TACC2: variants seen among roughly 807,000 people sequenced by gnomAD.
The protein encoded by TACC2 is transforming acidic coiled-coil containing protein 2, also known as transforming acidic coiled-coil-containing protein 2.
Under a neutral mutation model 227.3 loss-of-function variants are expected in TACC2, and 137 were observed. The observed-to-expected ratio is 0.60, with a 90% confidence interval of 0.52 to 0.69. TACC2 has a LOEUF of 0.69. TACC2 is among the 30% of genes least tolerant of loss of function. The pLI, the probability that TACC2 is intolerant of heterozygous loss-of-function variation, is 0.00. For synonymous variants in TACC2, 1,523 were observed against 1,487.5 expected, an observed-to-expected ratio of 1.02 and a Z score of -0.55; for missense variants, 3,470 against 3,694.4, an observed-to-expected ratio of 0.94 and a Z score of 1.57.
intron 8 of TACC2, among the ~76,000 whole-genome samples, chr10:122,199,393 G>T (rs1477588867): frequency 6.6e-6 from 1 of 152,190 alleles, no homozygotes; most frequent in Non-Finnish European, 1.5e-5. Flanking sequence ...CTTTGGGCCC[G>T]CCTCTGGTTT....
chr10:121,994,651 T>G (rs1192795609), intron 1 of TACC2: 4 of 152,634 alleles, frequency 2.6e-5, no homozygotes, highest in Non-Finnish European at 5.9e-5. Flanking sequence ...AAGGAGCCTC[T>G]GGAAGAGAGG....
chr10:122,049,241 C>T (rs2075397323), intron 2 of TACC2, among the ~76,000 whole-genome samples: 1 of 152,206 alleles, frequency 6.6e-6, no homozygotes, highest in South Asian at 2.1e-4. Flanking sequence ...GAGGCCTTGG[C>T]CCCAGCAGGG....
intron 3 of TACC2, among the ~76,000 whole-genome samples, chr10:122,081,636 T>C (rs2079519219): frequency 6.6e-6 from 1 of 152,132 alleles, no homozygotes; most frequent in African/African-American, 2.4e-5. Flanking sequence ...GTTAGTTATC[T>C]GTAGTAAGTT....
intron 11 of TACC2, 107 bp from the exon 12 acceptor site, chr10:122,224,619 C>T (rs1353726116): frequency 3.2e-6 from 3 of 940,622 alleles, no homozygotes; most frequent in Non-Finnish European, 5.1e-6. Context: ...AGCCCAGAGC[C>T]TTGTGATAGC....
chr10:122,029,645 G>A (rs369808127), intron 2 of TACC2, among the ~76,000 whole-genome samples: 2 of 152,306 alleles, frequency 1.3e-5, no homozygotes, highest in Non-Finnish European at 2.9e-5. Flanking sequence ...CCTGCTGGCT[G>A]GGGTTGGCTT....
At chr10:122,013,014 G>A (rs1956138683) in intron 1 of TACC2, among the ~76,000 whole-genome samples, 1 of 152,168 alleles carries the variant, frequency 6.6e-6, no homozygotes, top group Admixed American at 6.6e-5. Context: ...AGCAGAAATG[G>A]GGCTTGCAGA....
chr10:122,109,366 T>C (rs1471252080), intron 5 of TACC2, among the ~76,000 whole-genome samples: 3 of 152,208 alleles, frequency 2.0e-5, no homozygotes, highest in Non-Finnish European at 2.9e-5. Flanking sequence ...ATTTCCCTGA[T>C]AAAATGCACA....
chr10:122,223,082 C>G (rs1052647256), intron 11 of TACC2, among the ~76,000 whole-genome samples: 14 of 126,614 alleles, frequency 1.1e-4, no homozygotes, highest in African/African-American at 4.4e-4. Context: ...TTGAGGCAGT[C>G]TCACTCTGTT....
chr10:122,021,962 G>T lies in TACC2; in HGVS notation c.-20G>T, dbSNP rs151268273. 2 of 1,613,854 alleles carry T rather than the reference G, an allele frequency of 1.2e-6. No homozygotes were observed. Among genetic ancestry groups the T allele is most frequent in the Admixed American group, 1.7e-5 (1 of 60,000 alleles). On this transcript the variant is annotated 5_prime_UTR_variant, in exon 2 of 23. Transcript: ENST00000369005. Reference sequence around the variant, plus strand: ...TCACCTCTGACAAAATTCTGGGGACGCTGGGAACACTGAATCAACATGGGC... The same window carrying T: ...TCACCTCTGACAAAATTCTGGGGACTCTGGGAACACTGAATCAACATGGGC...
chr10:122,097,805 A>G (rs1449144774), intron 5 of TACC2, among the ~76,000 whole-genome samples: 1 of 152,114 alleles, frequency 6.6e-6, no homozygotes, highest in Admixed American at 6.6e-5. Flanking sequence ...CACCCGACAC[A>G]AAGTCAGCTT....
At chr10:122,010,461 G>A (rs1181087939) in intron 1 of TACC2, among the ~76,000 whole-genome samples, 1 of 152,186 alleles carries the variant, frequency 6.6e-6, no homozygotes, top group Admixed American at 6.5e-5. Context: ...TTTAGCAGGG[G>A]AAAAAGAGGC....
At chr10:122,032,447 GA>G (rs1959100922) in intron 2 of TACC2, among the ~76,000 whole-genome samples, 1 of 152,166 alleles carries the variant, frequency 6.6e-6, no homozygotes, top group South Asian at 2.1e-4. Flanking sequence ...TGGAAGGAAA[GA>G]TGCAAGTCTG....
intron 8 of TACC2, 47 bp downstream of exon 8, chr10:122,195,223 G>A: frequency 6.5e-7 from 1 of 1,527,208 alleles, no homozygotes; most frequent in Non-Finnish European, 8.9e-7. Flanking sequence ...AGAGTTGTGA[G>A]CCCTGGGGGA....
At chr10:122,172,073 C>T (rs2093500572) in intron 7 of TACC2, among the ~76,000 whole-genome samples, 1 of 152,158 alleles carries the variant, frequency 6.6e-6, no homozygotes, top group South Asian at 2.1e-4. Flanking sequence ...CATGTGGGCT[C>T]TCGGTACCTG....
intron 5 of TACC2, among the ~76,000 whole-genome samples, chr10:122,120,752 ATTCT>A (rs547812472): frequency 6.6e-4 from 100 of 150,806 alleles, no homozygotes; most frequent in Middle Eastern, 7.0e-3. Context: ...ACCTGTATTC[ATTCT>A]TTCTTTCTTT....
intron 8 of TACC2, among the ~76,000 whole-genome samples, chr10:122,200,682 G>T (rs2094774693): frequency 6.8e-6 from 1 of 146,500 alleles, no homozygotes; most frequent in African/African-American, 2.6e-5. Context: ...CACCTCACCT[G>T]CCCACAGTGG....
intron 8 of TACC2, among the ~76,000 whole-genome samples, chr10:122,200,842 A>G (rs1347080583): frequency 1.5e-5 from 2 of 137,676 alleles, no homozygotes; most frequent in Non-Finnish European, 3.1e-5. Context: ...ATCTACACTG[A>G]GAGGATGGCG....
Position 122,083,052 on chromosome 10 carries a change from G to A in TACC2, c.552G>A (p.Gln184=). The part of the protein sequence containing the change: ...GRERQPKEEG[Q]KSSFSFSSGI... ...AGAGACAGCCGAAGGAAGAAGGACA[G>A]AAGTCCTCCTTCTCCTTCTCCAGTG... Residue 184 remains glutamine (Q), a synonymous_variant, in exon 4 of 23, where the codon CAG becomes CAA. Transcript: ENST00000369005. 6.2e-7 allele frequency: 1 copy of A among 1,612,656 alleles called. No individual in the cohort carries two copies. The highest frequency in any genetic ancestry group is 8.5e-7 in the Non-Finnish European group (1 of 1,179,978).
intron 7 of TACC2, among the ~76,000 whole-genome samples, chr10:122,145,500 A>C (rs1565429944): frequency 6.6e-6 from 1 of 152,216 alleles, no homozygotes; most frequent in Non-Finnish European, 1.5e-5. Context: ...ATCAGTGGGC[A>C]CTGGGGGCTG....
Sources: gnomAD v4.1 joint callset for allele counts (sites outside exome capture counted in the v4.1 genomes callset) on GRCh38, gnomAD v4.1.1 for gene constraint, MANE v1.5 for transcripts, NCBI Gene and HGNC (gene_info 2026-07-23, HGNC 2026-07-21) for gene names.